Variants in MYT1L observed in about 807,000 individuals in gnomAD.
MYT1L encodes myelin transcription factor 1-like protein.
In MYT1L, 12 loss-of-function variants were observed where a neutral mutation model predicts 126.7. The ratio of observed to expected loss-of-function variants is 0.09; its 90% CI spans 0.06 to 0.15. MYT1L has a LOEUF of 0.15. MYT1L is among the 10% of genes least tolerant of loss of function. The pLI, the probability that MYT1L is intolerant of heterozygous loss-of-function variation, is 1.00. For missense variants in MYT1L, 979 were observed against 1,585.2 expected (o/e 0.62, Z 6.49); for synonymous variants, 541 against 604.2 (o/e 0.90, Z 1.53).
chr2:1,861,503 C>CT (rs34596674), intron 18 of MYT1L, among the ~76,000 whole-genome samples: 6,299 of 144,384 alleles, frequency 0.044, 188 homozygotes, highest in African/African-American at 0.082. Flanking sequence ...GTTTGTGAAT[C>CT]TTTTTTTTTT....
chr2:1,897,089 AAGAC>A (rs1240904822), intron 14 of MYT1L, among the ~76,000 whole-genome samples: 2 of 152,358 alleles, frequency 1.3e-5, no homozygotes, highest in Admixed American at 6.5e-5. Flanking sequence ...ATGGGCAACT[AAGAC>A]AGTATCTACT....
intron 13 of MYT1L, among the ~76,000 whole-genome samples, chr2:1,905,432 CA>C (rs2050924380): frequency 6.6e-6 from 1 of 151,774 alleles, no homozygotes; most frequent in Non-Finnish European, 1.5e-5. Flanking sequence ...CGGCTCAATG[CA>C]ACCTCCACCT....
At chr2:2,039,318 G>A (rs1458548576) in intron 4 of MYT1L, among the ~76,000 whole-genome samples, 4 of 151,846 alleles carry the variant, frequency 2.6e-5, no homozygotes, top group South Asian at 2.1e-4. Flanking sequence ...TGGGAGGATC[G>A]CTTGGGCCCA....
chr2:1,817,649 G>A (rs533173286), intron 21 of MYT1L, among the ~76,000 whole-genome samples: 2 of 152,286 alleles, frequency 1.3e-5, no homozygotes, highest in South Asian at 4.1e-4. Context: ...CAGGCCCAGC[G>A]CGGCCCTGGG....
intron 3 of MYT1L, among the ~76,000 whole-genome samples, chr2:2,105,799 A>G (rs1311029983): frequency 6.6e-6 from 1 of 152,212 alleles, no homozygotes; most frequent in African/African-American, 2.4e-5. Context: ...TGAGTGCCTG[A>G]ACAAATTACC....
intron 4 of MYT1L, among the ~76,000 whole-genome samples, chr2:2,004,832 G>A (rs1335626484): frequency 3.5e-4 from 50 of 143,608 alleles, no homozygotes; most frequent in African/African-American, 1.3e-3. Context: ...TCCTGCATGT[G>A]TTCTTTCCTG....
chr2:1,930,580 G>A (rs1396376980), intron 9 of MYT1L, among the ~76,000 whole-genome samples: 1 of 152,212 alleles, frequency 6.6e-6, no homozygotes, highest in African/African-American at 2.4e-5. Flanking sequence ...GGGCAGAAGC[G>A]TCGGGGCTGC....
At chr2:1,956,969 G>A (rs1158765740) in intron 8 of MYT1L, among the ~76,000 whole-genome samples, 1 of 152,142 alleles carries the variant, frequency 6.6e-6, no homozygotes. Context: ...CATTCCATCT[G>A]TCTGCAGCCC....
intron 2 of MYT1L, among the ~76,000 whole-genome samples, chr2:2,174,272 A>G (rs1395601655): frequency 6.6e-6 from 1 of 152,212 alleles, no homozygotes; most frequent in Admixed American, 6.5e-5. Flanking sequence ...ATAGCAGTGC[A>G]CAGCTATCTA....
chr2:1,917,074 G>A lies in MYT1L; in HGVS notation c.1618+131C>T. The A allele has an allele frequency of 8.3e-7, 1 of 1,205,484 alleles. No individual in the cohort carries two copies. The highest frequency in any genetic ancestry group is 1.1e-6 in the Non-Finnish European group (1 of 869,758). 74.7% of individuals were successfully genotyped at this position (1,205,484 alleles called of 1,614,324 possible). ...GAATCCTGGATCAGTTGCCCATCAA[G>A]TTAAGTAGGGGCCTAGTTAAATCAG... is the stretch of plus-strand genomic sequence containing the variant. On this transcript the variant is annotated intron_variant, in intron 11 of 24. Transcript: ENST00000647738. This position sits in a 1 kb window ranked among gnomAD's most constrained non-coding sequence, Gnocchi z 5.9.
At chr2:2,230,285 T>G (rs1171302222) in intron 2 of MYT1L, among the ~76,000 whole-genome samples, 1 of 152,230 alleles carries the variant, frequency 6.6e-6, no homozygotes, top group Non-Finnish European at 1.5e-5. Context: ...CTCGGTGAAC[T>G]CATCCCTCAG....
At chr2:1,878,354 T>C (rs2047174472) in intron 18 of MYT1L, among the ~76,000 whole-genome samples, 1 of 152,226 alleles carries the variant, frequency 6.6e-6, no homozygotes, top group Non-Finnish European at 1.5e-5. Flanking sequence ...AAACTGTTTG[T>C]CAGTGGCTTA....
intron 3 of MYT1L, among the ~76,000 whole-genome samples, chr2:2,084,866 G>C (rs946617014): frequency 6.6e-6 from 1 of 152,212 alleles, no homozygotes; most frequent in African/African-American, 2.4e-5. Context: ...GTATAACCTG[G>C]TGTAAACGTT....
intron 2 of MYT1L, among the ~76,000 whole-genome samples, chr2:2,256,373 C>A (rs1345553354): frequency 6.6e-6 from 1 of 152,222 alleles, no homozygotes; most frequent in Non-Finnish European, 1.5e-5. Flanking sequence ...GGCCACAGGT[C>A]TAATTCAGGT....
chr2:2,083,566 T>G (rs1409945966), intron 3 of MYT1L, among the ~76,000 whole-genome samples: 1 of 152,232 alleles, frequency 6.6e-6, no homozygotes, highest in Non-Finnish European at 1.5e-5. Flanking sequence ...TGCAAGGCGA[T>G]TCACTCTATA....
At chr2:1,932,815 C>T (rs528884181) in intron 9 of MYT1L, among the ~76,000 whole-genome samples, 44 of 152,180 alleles carry the variant, frequency 2.9e-4, no homozygotes, top group Non-Finnish European at 4.6e-4. Context: ...AGTGGAGCCA[C>T]GTGCTGGTGG....
rs148123739 is a variant in MYT1L at position 2,293,841 on chromosome 2, C to A, written c.-520-9338G>T. Reference sequence around the variant, plus strand: ...CAGAAGGAAAGATGTGGGACGAGATCCTTGGAAGGAACTCAGGCTTGTTCA... The same window carrying A: ...CAGAAGGAAAGATGTGGGACGAGATACTTGGAAGGAACTCAGGCTTGTTCA... On this transcript the variant is annotated intron_variant, in intron 1 of 24. Transcript: ENST00000647738. Among the ~76,000 whole-genome samples, 248 of 152,238 alleles carry A rather than the reference C, an allele frequency of 1.6e-3. 1 individual carries two copies. The highest frequency in any genetic ancestry group is 3.4e-3 in the Middle Eastern group (1 of 294).
intron 4 of MYT1L, among the ~76,000 whole-genome samples, chr2:2,001,962 C>T (rs1238181506): frequency 1.3e-5 from 2 of 152,128 alleles, no homozygotes; most frequent in African/African-American, 4.8e-5. Context: ...CAGGTTTTAA[C>T]CCTGCTCCAC....
At chr2:2,154,369 T>C (rs1460967139) in intron 3 of MYT1L, among the ~76,000 whole-genome samples, 2 of 152,160 alleles carry the variant, frequency 1.3e-5, no homozygotes, top group Non-Finnish European at 2.9e-5. Flanking sequence ...GAATAAAGAA[T>C]AGATACTAGA....
Sources: allele counts gnomAD v4.1 joint callset (sites outside exome capture counted in the v4.1 genomes callset), GRCh38; gene constraint gnomAD v4.1.1; non-coding constraint Gnocchi (gnomAD v3.1); transcripts MANE v1.5; gene names NCBI Gene and HGNC (gene_info 2026-07-23, HGNC 2026-07-21).